BCL11B: variants seen among roughly 807,000 people sequenced by gnomAD.
BCL11B encodes the protein BCL11 transcription factor B.
A neutral mutation model predicts 49.9 loss-of-function variants in BCL11B; 8 were observed. That is an observed-to-expected ratio of 0.16 (90% CI 0.09 to 0.29). The LOEUF is 0.29. Among genes scored for constraint, BCL11B ranks in the 10% least tolerant of loss-of-function variants. The probability of loss-of-function intolerance (pLI) is 1.00; values close to 1 mark genes in which losing one functional copy is unlikely to be tolerated. For missense variants in BCL11B, 1,006 were observed against 1,351.0 expected, an observed-to-expected ratio of 0.74 and a Z score of 4.00; for synonymous variants, 739 against 637.4, an observed-to-expected ratio of 1.16 and a Z score of -2.40.
chr14:99,267,892 C>G (rs1223436503), intron 1 of BCL11B, among the ~76,000 whole-genome samples: 1 of 152,136 alleles, frequency 6.6e-6, no homozygotes, highest in East Asian at 1.9e-4. Context: ...CGCAGTTTAC[C>G]GTGGACATCT....
intron 1 of BCL11B, chr14:99,264,464 G>C (rs1486460386): frequency 6.6e-6 from 1 of 151,450 alleles, no homozygotes; most frequent in Non-Finnish European, 1.5e-5. Context: ...AAGTGGAAGG[G>C]GGCCATAAAA....
intron 3 of BCL11B, among the ~76,000 whole-genome samples, chr14:99,227,784 T>C (rs1888199898): frequency 6.6e-6 from 1 of 152,200 alleles, no homozygotes; most frequent in South Asian, 2.1e-4. Flanking sequence ...TCTGAGGCTC[T>C]TGACCCCACA....
rs748264333 is a variant in BCL11B at position 99,176,096 on chromosome 14, C to T, written c.740G>A (p.Arg247His). ...GGCCGGCCCGGGCTCCAGGTAGATG[C>T]GGAAGCCGTGCGTGTTCTGCGCGTG... ...LQHAQNTHGF[R>H]IYLEPGPASS... Residue 247 changes from arginine (R) to histidine (H), a missense_variant, in exon 4 of 4, where the codon CGC becomes CAC. This residue lies in a region of BCL11B where 411 missense variants were observed against 542.2 expected (regional missense o/e 0.76). Coordinates refer to ENST00000357195, the MANE Select transcript of BCL11B (RefSeq NM_138576.4). The T allele has an allele frequency of 4.3e-6, 7 of 1,609,296 alleles. No homozygotes were observed. Among genetic ancestry groups the T allele is most frequent in the Non-Finnish European group, 5.9e-6 (7 of 1,177,834 alleles).
chr14:99,205,022 C>T lies in BCL11B; in HGVS notation c.640+26323G>A, dbSNP rs867365503. ...GGATGGAGGGGTACCTGGGACAGGA[C>T]AGGCGGACCAGGTCCCAGATCACCT... On this transcript the variant is annotated intron_variant, in intron 3 of 3. Transcript: ENST00000357195. This position sits in a 1 kb window ranked among gnomAD's most constrained non-coding sequence, Gnocchi z 5.0. Among the ~76,000 whole-genome samples, 1 of 152,170 alleles carries T rather than the reference C, an allele frequency of 6.6e-6. No homozygotes were observed. Among genetic ancestry groups the T allele is most frequent in the Non-Finnish European group, 1.5e-5 (1 of 68,036 alleles).
chr14:99,185,422 G>A (rs903075915), intron 3 of BCL11B, among the ~76,000 whole-genome samples: 10 of 146,506 alleles, frequency 6.8e-5, no homozygotes, highest in Non-Finnish European at 1.3e-4. Flanking sequence ...GGGTGACAAA[G>A]TGAGACTCTG....
At position 99,210,514 on chromosome 14, in the gene BCL11B, C is replaced by A. The variant is rs1595248914; in HGVS notation, c.640+20831G>T. 2.0e-5 allele frequency among the ~76,000 whole-genome samples: 3 copies of A among 152,132 alleles called. No individual in the cohort carries two copies. In the East Asian group the frequency reaches 5.8e-4, roughly 29 times the overall value. ...AAATCACCGAGAAGAGCTCTCTCTC[C>A]TCAGCCGGCCACCTCCCTGCTCCAG... is the stretch of plus-strand genomic sequence containing the variant. On this transcript the variant is annotated intron_variant, in intron 3 of 3. Transcript: ENST00000357195.
chr14:99,254,292 T>C (rs921746962), intron 2 of BCL11B, among the ~76,000 whole-genome samples: 2 of 152,214 alleles, frequency 1.3e-5, no homozygotes, highest in Non-Finnish European at 2.9e-5. Flanking sequence ...GTAATTACTC[T>C]CCAGAATGAC....
rs1363900386 is a variant in BCL11B at position 99,205,352 on chromosome 14, G to C, written c.640+25993C>G. Among the ~76,000 whole-genome samples the C allele has an allele frequency of 6.6e-6, 1 of 152,192 alleles. No individual in the cohort carries two copies. Among genetic ancestry groups the C allele is most frequent in the Non-Finnish European group, 1.5e-5 (1 of 68,032 alleles). ...GAGACGGCCCAGGCCAGCAGGGCCA[G>C]TGGAGGATTCGCATTCACTCTGGTG... On this transcript the variant is annotated intron_variant, in intron 3 of 3. Transcript: ENST00000357195. This position sits in a 1 kb window ranked among gnomAD's most constrained non-coding sequence, Gnocchi z 5.0.
chr14:99,203,324 G>A (rs1014306202), intron 3 of BCL11B, among the ~76,000 whole-genome samples: 1 of 152,222 alleles, frequency 6.6e-6, no homozygotes, highest in Non-Finnish European at 1.5e-5. Flanking sequence ...CCAGGACAGA[G>A]AGAGACTTCT....
At position 99,262,061 on chromosome 14, in the gene BCL11B, C is replaced by T. The variant is rs1443293888; in HGVS notation, c.59-4222G>A. ...TCCCAAGACAAACTTCCCCATGCCT[C>T]GGCTTTGCTGGGAAGGAATTTGAGT... On this transcript the variant is annotated intron_variant, in intron 1 of 3. Transcript: ENST00000357195. This position sits in a 1 kb window ranked among gnomAD's most constrained non-coding sequence, Gnocchi z 4.2. Among the ~76,000 whole-genome samples, 3 of 152,216 alleles carry T rather than the reference C, an allele frequency of 2.0e-5. No homozygotes were observed. Among genetic ancestry groups the T allele is most frequent in the East Asian group, 1.9e-4 (1 of 5,190 alleles).
chr14:99,243,466 T>C (rs1888730071), intron 2 of BCL11B, among the ~76,000 whole-genome samples: 1 of 152,220 alleles, frequency 6.6e-6, no homozygotes, highest in Admixed American at 6.5e-5. Flanking sequence ...AATCAGCAAT[T>C]GCTTCACTCC....
rs547998004 is a variant in BCL11B at position 99,247,673 on chromosome 14, T to C, written c.427+9798A>G. Among the ~76,000 whole-genome samples the C allele has an allele frequency of 6.6e-6, 1 of 152,376 alleles. No individual in the cohort carries two copies. The highest frequency in any genetic ancestry group is 1.9e-4 in the East Asian group (1 of 5,186). Reference sequence around the variant, plus strand: ...CATCAGGAGGTAGACGCGTGTTTTCTGGACACTCTTGTGGATTGGACGGAT... The same window carrying C: ...CATCAGGAGGTAGACGCGTGTTTTCCGGACACTCTTGTGGATTGGACGGAT... On this transcript the variant is annotated intron_variant, in intron 2 of 3. Coordinates refer to ENST00000357195, the MANE Select transcript of BCL11B (RefSeq NM_138576.4). This position sits in a 1 kb window ranked among gnomAD's most constrained non-coding sequence, Gnocchi z 4.5.
rs755081893 is a variant in BCL11B at position 99,175,612 on chromosome 14, C to T, written c.1224G>A (p.Pro408=). ...TGCCGCCAGGGGGCATGGGCGGCAG[C>T]GGCGGCGTGCTCAGGAACGGGGACT... is the stretch of plus-strand genomic sequence containing the variant. ...SPKSPFLSTP[P]LPPMPPGGTP... The change falls in exon 4 of 4, where the codon CCG becomes CCA. Residue 408 remains proline (P), a synonymous_variant. Coordinates refer to ENST00000357195, the MANE Select transcript of BCL11B (RefSeq NM_138576.4). 2.6e-6 allele frequency: 4 copies of T among 1,561,212 alleles called. No homozygotes were observed. In the African/African-American group the frequency reaches 4.2e-5, roughly 16 times the overall value.
intron 3 of BCL11B, among the ~76,000 whole-genome samples, chr14:99,181,426 G>A (rs1230102040): frequency 1.3e-5 from 2 of 152,252 alleles, no homozygotes; most frequent in Admixed American, 1.3e-4. Context: ...GAGAAGCAAA[G>A]CGGCACGGCC....
chr14:99,175,715 C>A lies in BCL11B; in HGVS notation c.1121G>T (p.Ser374Ile). The A allele has an allele frequency of 6.7e-7, 1 of 1,497,424 alleles. No individual in the cohort carries two copies. The highest frequency in any genetic ancestry group is 8.8e-7 in the Non-Finnish European group (1 of 1,139,652). The allele number at this position is 1,497,424 out of a possible 1,614,324, so 92.8% of individuals were successfully genotyped here. The change falls in exon 4 of 4, where the codon AGC becomes ATC. Residue 374 changes from serine (S) to isoleucine (I), a missense_variant. Physicochemically the swap from Ser to Ile is moderately radical, Grantham distance 142. Coordinates refer to ENST00000357195, the MANE Select transcript of BCL11B (RefSeq NM_138576.4). ...SRRLRELAGN[S>I]STPPPVSPGR... The stretch of plus-strand genomic sequence containing the variant: ...CGGGGACACGGGCGGCGGCGTGGAG[C>A]TGTTGCCCGCCAGCTCGCGGAGCCG...
chr14:99,185,716 A>G (rs1369836600), intron 3 of BCL11B, among the ~76,000 whole-genome samples: 1 of 151,686 alleles, frequency 6.6e-6, no homozygotes, highest in Non-Finnish European at 1.5e-5. Flanking sequence ...GGCCTGGCTC[A>G]TTCCACAGGG....
In BCL11B at chr14:99,195,191, A is replaced by G. The variant is rs1887144613; in HGVS notation, c.641-18996T>C. ...AAGCAAGCCAAGATGCGTTCTCAGG[A>G]AAATATGTGGAGCGAACTACCTGGC... On this transcript the variant is annotated intron_variant, in intron 3 of 3. Transcript: ENST00000357195. This position sits in a 1 kb window ranked among gnomAD's most constrained non-coding sequence, Gnocchi z 4.7. 6.6e-6 allele frequency among the ~76,000 whole-genome samples: 1 copy of G among 152,136 alleles called. No homozygotes were observed. The highest frequency in any genetic ancestry group is 6.5e-5 in the Admixed American group (1 of 15,274).
rs976125814 is a variant in BCL11B, at chr14:99,171,978, C to T, written c.*2173G>A. On this transcript the variant is annotated 3_prime_UTR_variant, in exon 4 of 4. Transcript: ENST00000357195. ...ATAATATATACTAAAACCCCGTCAC[C>T]AAAAGAAAACAATATACACGCGGCC... 2 of 203,716 alleles carry T rather than the reference C, an allele frequency of 9.8e-6. No homozygotes were observed. Among genetic ancestry groups the T allele is most frequent in the East Asian group, 1.5e-4 (2 of 13,288 alleles). The allele number at this position is 203,716 out of a possible 1,614,324, so 12.6% of individuals were successfully genotyped here.
Position 99,174,068 on chromosome 14 carries a change from T to A in BCL11B, c.*83A>T. 1 of 1,414,018 alleles carries A rather than the reference T, an allele frequency of 7.1e-7. No homozygotes were observed. The highest frequency in any genetic ancestry group is 1.2e-5 in the South Asian group (1 of 80,544). The allele number at this position is 1,414,018 out of a possible 1,614,324, so 87.6% of individuals were successfully genotyped here. On this transcript the variant is annotated 3_prime_UTR_variant, in exon 4 of 4. Coordinates refer to ENST00000357195, the MANE Select transcript of BCL11B (RefSeq NM_138576.4). ...GGACACGCGGGGTGCGGGGTGGCGG[T>A]GACACGGAGGCAAGTCAGGTCAGCA...
Sources: gnomAD v4.1 joint callset for allele counts (sites outside exome capture counted in the v4.1 genomes callset) on GRCh38, gnomAD v4.1.1 for gene constraint, gnomAD v4.1.1 regional missense constraint, Gnocchi (gnomAD v3.1) non-coding constraint, MANE v1.5 for transcripts, NCBI Gene and HGNC (gene_info 2026-07-23, HGNC 2026-07-21) for gene names.